TXLNB: variants seen among roughly 807,000 people sequenced by gnomAD.
TXLNB encodes the protein beta-taxilin.
A neutral mutation model predicts 57.4 loss-of-function variants in TXLNB; 37 were observed. That is an observed-to-expected ratio of 0.64 (90% CI 0.50 to 0.85). The LOEUF is 0.85. Among genes scored for constraint, TXLNB ranks in the 40% least tolerant of loss-of-function variants. The pLI, the probability that TXLNB is intolerant of heterozygous loss-of-function variation, is 0.00. For missense variants in TXLNB, 848 were observed against 825.6 expected, an observed-to-expected ratio of 1.03 and a Z score of -0.33; for synonymous variants, 302 against 309.6, an observed-to-expected ratio of 0.98 and a Z score of 0.26.
At chr6:139,308,502 T>C in the TXLNB span, among the ~76,000 whole-genome samples, 2 of 152,266 alleles carry the variant, frequency 1.3e-5, no homozygotes, top group African/African-American at 4.8e-5. Flanking sequence ...AGGCTTTATT[T>C]GTGTTCACTT....
At chr6:139,285,481 C>T (rs72990535) in intron 2 of TXLNB, among the ~76,000 whole-genome samples, 1 of 144,406 alleles carries the variant, frequency 6.9e-6, no homozygotes, top group Non-Finnish European at 1.5e-5. Context: ...GAAAAAATTG[C>T]TCTGTAACAC....
At chr6:139,306,745 G>C in the TXLNB span, among the ~76,000 whole-genome samples, 1,382 of 152,258 alleles carry the variant, frequency 9.1e-3, 23 homozygotes, top group African/African-American at 0.031. Context: ...CAGCATGTGG[G>C]ATGTAGCCTG....
At chr6:139,166,218 C>T in the TXLNB span, 2 of 1,266,630 alleles carry the variant, frequency 1.6e-6, no homozygotes, top group Admixed American at 2.2e-5. Flanking sequence ...CATACTGTTG[C>T]AAGTACAGGT....
chr6:139,243,034 G>C lies in TXLNB; in HGVS notation c.1547C>G (p.Thr516Ser). 3.1e-6 allele frequency: 5 copies of C among 1,614,148 alleles called. No homozygotes were observed. Among genetic ancestry groups the C allele is most frequent in the Non-Finnish European group, 4.2e-6 (5 of 1,180,024 alleles). ...AFMIIHHPES[T>S]PHQSKETQPE... ...TTGGGTTTCTTTGGACTGGTGCGGG[G>C]TTGACTCTGGATGATGAATTATCAT... The change falls in exon 10 of 10, where the codon ACC (threonine) becomes AGC (serine). Residue 516 changes from threonine (T) to serine (S), a missense_variant. Coordinates refer to ENST00000358430, the MANE Select transcript of TXLNB (RefSeq NM_153235.4).
the TXLNB span, among the ~76,000 whole-genome samples, chr6:139,193,870 C>T: frequency 8.2e-6 from 1 of 122,302 alleles, no homozygotes; most frequent in African/African-American, 3.1e-5. Flanking sequence ...GAGACGGAGT[C>T]TCGCTCTGTC....
At chr6:139,195,365 T>G in the TXLNB span, among the ~76,000 whole-genome samples, 11 of 152,244 alleles carry the variant, frequency 7.2e-5, no homozygotes, top group African/African-American at 2.7e-4. Flanking sequence ...TATTTTCACC[T>G]AGGCCCATGT....
At chr6:139,207,725 G>T in the TXLNB span, among the ~76,000 whole-genome samples, 1 of 152,122 alleles carries the variant, frequency 6.6e-6, no homozygotes, top group Admixed American at 6.5e-5. Context: ...AAAATTGATG[G>T]CCCGTTAGTG....
chr6:139,323,805 G>C, the TXLNB span, among the ~76,000 whole-genome samples: 1 of 152,104 alleles, frequency 6.6e-6, no homozygotes, highest in South Asian at 2.1e-4. Flanking sequence ...GCTTCCGTTG[G>C]CATCAGCTTC....
intron 4 of TXLNB, among the ~76,000 whole-genome samples, chr6:139,263,766 A>G (rs1776546098): frequency 6.6e-6 from 1 of 152,224 alleles, no homozygotes; most frequent in Non-Finnish European, 1.5e-5. Context: ...TGATACAGAC[A>G]TTTTAGGATT....
intron 2 of TXLNB, among the ~76,000 whole-genome samples, chr6:139,278,887 C>G (rs535059103): frequency 6.6e-6 from 1 of 152,104 alleles, no homozygotes; most frequent in Non-Finnish European, 1.5e-5. Context: ...GCCTGTAGTC[C>G]CAGCTACTCG....
chr6:139,285,304 ACC>A lies in TXLNB; in HGVS notation c.424+3170_424+3171del, dbSNP rs1554227519. On this transcript the variant is annotated intron_variant, in intron 2 of 9. Coordinates refer to ENST00000358430, the MANE Select transcript of TXLNB (RefSeq NM_153235.4). ...CACACACACACACACACACACACACACCCCAATTCTTATGTAAAAGTTTTAGG... is the reference window on the plus strand; with the variant it reads ...CACACACACACACACACACACACACACCAATTCTTATGTAAAAGTTTTAGG... Among the ~76,000 whole-genome samples the A allele has an allele frequency of 1.6e-4, 20 of 128,226 alleles. 2 individuals carry two copies. The highest frequency in any genetic ancestry group is 4.4e-4 in the East Asian group (2 of 4,510). 84.1% of individuals were successfully genotyped at this position (128,226 alleles called of 152,430 possible).
chr6:139,313,450 G>C, the TXLNB span, among the ~76,000 whole-genome samples: 1 of 151,924 alleles, frequency 6.6e-6, no homozygotes, highest in South Asian at 2.1e-4. Flanking sequence ...AAAAAAAAAA[G>C]TTTCCTCCCC....
At chr6:139,293,869 T>G (rs1486717424), upstream of TXLNB, among the ~76,000 whole-genome samples, 1 of 152,192 alleles carries the variant, frequency 6.6e-6, no homozygotes, top group African/African-American at 2.4e-5. Flanking sequence ...CACTTTCTTC[T>G]AAATTAATGA....
At chr6:139,256,522 GT>G (rs1776345171) in intron 6 of TXLNB, among the ~76,000 whole-genome samples, 1 of 152,192 alleles carries the variant, frequency 6.6e-6, no homozygotes, top group Admixed American at 6.5e-5. Flanking sequence ...TAGAGACGGG[GT>G]TTTGCCATGT....
At chr6:139,239,884 AC>A (rs902022279), downstream of TXLNB, among the ~76,000 whole-genome samples, 8 of 150,128 alleles carry the variant, frequency 5.3e-5, no homozygotes, top group African/African-American at 1.7e-4. This position sits in a 1 kb window ranked among gnomAD's most constrained non-coding sequence, Gnocchi z 4.7. Context: ...ACACACACAC[AC>A]CCCCGCCCCC....
chr6:139,260,716 G>A (rs998273842), intron 5 of TXLNB, among the ~76,000 whole-genome samples: 18 of 152,068 alleles, frequency 1.2e-4, no homozygotes, highest in Non-Finnish European at 2.4e-4. Context: ...ATTTTTCTAC[G>A]TTTGGTAACT....
At chr6:139,167,096 A>T in the TXLNB span, 1 of 1,614,192 alleles carries the variant, frequency 6.2e-7, no homozygotes, top group Non-Finnish European at 8.5e-7. Flanking sequence ...GCATAAGCTG[A>T]ACACTTTCCA....
chr6:139,305,018 G>A, the TXLNB span, among the ~76,000 whole-genome samples: 2 of 152,176 alleles, frequency 1.3e-5, no homozygotes, highest in African/African-American at 4.8e-5. Flanking sequence ...ACAGGCAGCA[G>A]AAGGGCAATT....
rs533067004 is a variant in TXLNB at position 139,262,702 on chromosome 6, G to A, written c.759C>T (p.Thr253=). ...RKEITSHFQS[T]LTDIQGQIEQ... ...CGATCTGGCCCTGGATGTCCGTGAG[G>A]GTACTCTGGAAATGGCTTGTGATTT... The change falls in exon 5 of 10, where the codon ACC becomes ACT. Residue 253 remains threonine (T), a synonymous_variant. Coordinates refer to ENST00000358430, the MANE Select transcript of TXLNB (RefSeq NM_153235.4). The A allele has an allele frequency of 1.9e-6, 3 of 1,614,092 alleles. No homozygotes were observed. Among genetic ancestry groups the A allele is most frequent in the African/African-American group, 1.3e-5 (1 of 75,040 alleles).
Sources: gnomAD v4.1 joint callset for allele counts (sites outside exome capture counted in the v4.1 genomes callset) on GRCh38, gnomAD v4.1.1 for gene constraint, Gnocchi (gnomAD v3.1) non-coding constraint, MANE v1.5 for transcripts, NCBI Gene and HGNC (gene_info 2026-07-23, HGNC 2026-07-21) for gene names.